HNRNPUL1: variants seen among roughly 807,000 people sequenced by gnomAD.
The protein encoded by HNRNPUL1 is heterogeneous nuclear ribonucleoprotein U like 1.
In HNRNPUL1, 14 loss-of-function variants were observed where a neutral mutation model predicts 108.5. The observed-to-expected ratio is 0.13, with a 90% confidence interval of 0.09 to 0.20. The LOEUF is 0.20. HNRNPUL1 is among the 10% of genes least tolerant of loss of function. HNRNPUL1 has a pLI of 1.00. For missense variants in HNRNPUL1, 804 were observed against 1,168.3 expected (o/e 0.69, Z 4.55); for synonymous variants, 422 against 445.2 (o/e 0.95, Z 0.66).
At chr19:41,279,043 A>G (rs1160283989) in intron 5 of HNRNPUL1, 34 bp from the exon 6 acceptor site, 5 of 1,523,678 alleles carry the variant, frequency 3.3e-6, no homozygotes, top group Admixed American at 1.7e-5. Flanking sequence ...CCTCCAGAGA[A>G]GCAACCCTGA....
intron 7 of HNRNPUL1, among the ~76,000 whole-genome samples, chr19:41,291,677 AG>A (rs1361670135): frequency 6.6e-6 from 1 of 152,022 alleles, no homozygotes; most frequent in East Asian, 1.9e-4. Flanking sequence ...AAATACTTGG[AG>A]CTTCTTAAAA....
intron 2 of HNRNPUL1, among the ~76,000 whole-genome samples, chr19:41,271,448 C>A (rs2035232533): frequency 6.6e-6 from 1 of 152,180 alleles, no homozygotes; most frequent in Admixed American, 6.5e-5. Context: ...CATGCCGAAG[C>A]TGGGGAGTGA....
At chr19:41,282,295 G>C (rs1189562583) in intron 7 of HNRNPUL1, among the ~76,000 whole-genome samples, 1 of 152,218 alleles carries the variant, frequency 6.6e-6, no homozygotes, top group South Asian at 2.1e-4. Context: ...CGATTCTCCT[G>C]CCTCAGCCCC....
intron 7 of HNRNPUL1, among the ~76,000 whole-genome samples, chr19:41,287,175 C>A (rs1178569715): frequency 6.6e-6 from 1 of 151,524 alleles, no homozygotes; most frequent in Admixed American, 6.6e-5. Context: ...ACCACGACAT[C>A]TAGCTAATTT....
In HNRNPUL1 at chr19:41,304,034, A is replaced by G. The variant is rs1480047901; in HGVS notation, c.2035A>G (p.Asn679Asp). 2 of 1,613,828 alleles carry G rather than the reference A, an allele frequency of 1.2e-6. No individual in the cohort carries two copies. Among genetic ancestry groups the G allele is most frequent in the Admixed American group, 1.7e-5 (1 of 59,988 alleles). Reference protein sequence around the residue: ...QNRWGNNNRDNNNSNNRGSYN... With the variant: ...QNRWGNNNRDDNNSNNRGSYN... ...CCGCTGGGGTAACAACAACCGGGAT[A>G]ACAACAACTCCAACAACAGAGGCAG... Residue 679 changes from asparagine (N) to aspartate (D), a missense_variant, in exon 13 of 15, where the codon AAC (asparagine) becomes GAC (aspartate). By Grantham distance (23) the Asn-to-Asp change is conservative (BLOSUM62 1). This residue lies in a region of HNRNPUL1 where 294 missense variants were observed against 388.3 expected (regional missense o/e 0.76). Coordinates refer to ENST00000392006, the MANE Select transcript of HNRNPUL1 (RefSeq NM_007040.6).
intron 1 of HNRNPUL1, 192 bp from the exon 2 acceptor site, chr19:41,268,031 T>C: frequency 4.1e-6 from 2 of 485,378 alleles, no homozygotes; most frequent in Non-Finnish European, 7.1e-6. Flanking sequence ...AACTGAAGGC[T>C]TCAGTGGGGC....
rs916227916 is a variant in HNRNPUL1 at position 41,306,654 on chromosome 19, G to A, written c.*89G>A. On this transcript the variant is annotated 3_prime_UTR_variant, in exon 15 of 15. Coordinates refer to ENST00000392006, the MANE Select transcript of HNRNPUL1 (RefSeq NM_007040.6). ...CCCTCCTCTGCCCCCGCCAGATCCCGTGGTGCTGGGGATGGGGTCATCCCA... is the reference window on the plus strand; with the variant it reads ...CCCTCCTCTGCCCCCGCCAGATCCCATGGTGCTGGGGATGGGGTCATCCCA... 3.1e-5 allele frequency: 24 copies of A among 778,122 alleles called. No individual in the cohort carries two copies. The highest frequency in any genetic ancestry group is 7.3e-4 in the Middle Eastern group (2 of 2,744). The allele number at this position is 778,122 out of a possible 1,614,324, so 48.2% of individuals were successfully genotyped here. A position where few individuals can be genotyped will look rare whatever the true frequency, so the allele number is the denominator to read the frequency against.
At chr19:41,284,242 C>T (rs1219154512) in intron 7 of HNRNPUL1, among the ~76,000 whole-genome samples, 2 of 152,188 alleles carry the variant, frequency 1.3e-5, no homozygotes, top group East Asian at 3.8e-4. Flanking sequence ...AGGTCTGCAG[C>T]TGTAGTTGCC....
chr19:41,275,985 C>G (rs773856073), intron 4 of HNRNPUL1, among the ~76,000 whole-genome samples, 174 bp from the exon 5 acceptor site: 2 of 152,098 alleles, frequency 1.3e-5, no homozygotes, highest in Non-Finnish European at 2.9e-5. Flanking sequence ...TGCCTGTAAT[C>G]CCAGCTACTC....
chr19:41,291,422 TC>T (rs2036570343), intron 7 of HNRNPUL1, among the ~76,000 whole-genome samples: 1 of 152,180 alleles, frequency 6.6e-6, no homozygotes, highest in Non-Finnish European at 1.5e-5. Context: ...GCGGTGGCTT[TC>T]CTTCATCTGT....
At chr19:41,293,430 A>AT (rs1156754120) in intron 8 of HNRNPUL1, among the ~76,000 whole-genome samples, 1 of 151,948 alleles carries the variant, frequency 6.6e-6, no homozygotes, top group Non-Finnish European at 1.5e-5. Context: ...TTTGAACATC[A>AT]TTTTTTCTTT....
intron 3 of HNRNPUL1, among the ~76,000 whole-genome samples, chr19:41,273,404 C>T (rs2035358595): frequency 6.6e-6 from 1 of 152,086 alleles, no homozygotes; most frequent in Admixed American, 6.6e-5. Flanking sequence ...CCTTCTTCCT[C>T]GTTCCTGTAC....
chr19:41,278,106 C>G (rs1270132012), intron 5 of HNRNPUL1, among the ~76,000 whole-genome samples: 1 of 152,018 alleles, frequency 6.6e-6, no homozygotes, highest in Non-Finnish European at 1.5e-5. Context: ...GTTACCCAAG[C>G]TAGAATACAG....
At chr19:41,287,351 A>G (rs1011554574) in intron 7 of HNRNPUL1, among the ~76,000 whole-genome samples, 9 of 152,156 alleles carry the variant, frequency 5.9e-5, no homozygotes, top group African/African-American at 2.2e-4. Context: ...CAGTAAAGTT[A>G]TTAAATTTAA....
chr19:41,264,292 G>A, upstream of HNRNPUL1: 1 of 414,766 alleles, frequency 2.4e-6, no homozygotes. Flanking sequence ...GCCCGCGCCC[G>A]TTGCCCCACG....
In HNRNPUL1 at chr19:41,304,124, C is replaced by G. The variant is rs1448219081; in HGVS notation, c.2125C>G (p.Gln709Glu). The change falls in exon 13 of 15, where the codon CAG becomes GAG. Residue 709 changes from glutamine to glutamate, a missense_variant. Gln to Glu is a conservative substitution (Grantham distance 29). This residue lies in a region of HNRNPUL1 where 294 missense variants were observed against 388.3 expected (regional missense o/e 0.76). Transcript: ENST00000392006. Reference sequence around the variant, plus strand: ...GCCTCCGCCACCACAGCCACCACCCCAGCAGCCACCGCCACCACCCAGCTA... The same window carrying G: ...GCCTCCGCCACCACAGCCACCACCCGAGCAGCCACCGCCACCACCCAGCTA... ...QQPPPPQPPP[Q>E]QPPPPPSYSP... 5 of 1,613,660 alleles carry G rather than the reference C, an allele frequency of 3.1e-6. No homozygotes were observed. Among genetic ancestry groups the G allele is most frequent in the Non-Finnish European group, 4.2e-6 (5 of 1,179,750 alleles).
At chr19:41,280,934 G>T in intron 6 of HNRNPUL1, 1 of 498,510 alleles carries the variant, frequency 2.0e-6, no homozygotes, top group South Asian at 2.2e-5. Flanking sequence ...GAGTTATTCA[G>T]TTGAGCTCCT....
At chr19:41,287,621 G>A (rs1226289793) in intron 7 of HNRNPUL1, among the ~76,000 whole-genome samples, 2 of 151,898 alleles carry the variant, frequency 1.3e-5, no homozygotes, top group East Asian at 1.9e-4. Flanking sequence ...GTGCAGTGGC[G>A]CAATCTCAGC....
upstream of HNRNPUL1, chr19:41,263,057 A>G (rs2034598000): frequency 6.6e-6 from 1 of 152,204 alleles, no homozygotes; most frequent in Non-Finnish European, 1.5e-5. Context: ...AAAAAAAAAA[A>G]AAAAAGAACA....
Sources: gnomAD v4.1 joint callset for allele counts (sites outside exome capture counted in the v4.1 genomes callset) on GRCh38, gnomAD v4.1.1 for gene constraint, gnomAD v4.1.1 regional missense constraint, MANE v1.5 for transcripts, NCBI Gene and HGNC (gene_info 2026-07-23, HGNC 2026-07-21) for gene names.